The following DCC variants were observed in gnomAD, a reference collection of about 807,000 sequenced individuals.
DCC encodes DCC netrin 1 receptor.
A neutral mutation model predicts 172.5 loss-of-function variants in DCC; 58 were observed. The observed-to-expected ratio is 0.34, with a 90% CI of 0.27 to 0.42. The LOEUF (loss-of-function observed/expected upper bound fraction) is 0.42. DCC is among the 10% of genes least tolerant of loss of function. The pLI is 1.00. For missense variants in DCC, 1,740 were observed against 1,791.0 expected (o/e 0.97, Z 0.51); for synonymous variants, 709 against 644.5 (o/e 1.10, Z -1.52).
At chr18:53,137,170 T>C (rs1334434622) in intron 7 of DCC, among the ~76,000 whole-genome samples, 2 of 152,228 alleles carry the variant, frequency 1.3e-5, no homozygotes, top group Non-Finnish European at 2.9e-5. Flanking sequence ...TATTTCAAAA[T>C]TTCCATGTGT....
chr18:53,477,840 G>A (rs1404962740), intron 25 of DCC, among the ~76,000 whole-genome samples: 1 of 152,134 alleles, frequency 6.6e-6, no homozygotes, highest in African/African-American at 2.4e-5. Flanking sequence ...TGAAAAACAT[G>A]CCAGCTGACA....
At chr18:52,906,432 T>C in intron 3 of DCC, 104 bp downstream of exon 3, 1 of 1,186,750 alleles carries the variant, frequency 8.4e-7, no homozygotes. Context: ...AAGTTCTGTA[T>C]TGTTCATTGC....
chr18:53,530,713 C>A lies in DCC; in HGVS notation c.*60C>A. 3 of 880,034 alleles carry A rather than the reference C, an allele frequency of 3.4e-6. No individual in the cohort carries two copies. Among genetic ancestry groups the A allele is most frequent in the Non-Finnish European group, 5.9e-6 (3 of 509,550 alleles). 54.5% of individuals were successfully genotyped at this position (880,034 alleles called of 1,614,324 possible). On this transcript the variant is annotated 3_prime_UTR_variant, in exon 29 of 29. Coordinates refer to ENST00000442544, the MANE Select transcript of DCC (RefSeq NM_005215.4). ...GGAACTTTGCAGCATACCAATTACC[C>A]ATAAACAGCACACCTGTGTCCAAGA... is the stretch of plus-strand genomic sequence containing the variant.
chr18:53,354,133 G>T (rs925168736), intron 15 of DCC, among the ~76,000 whole-genome samples: 1 of 152,160 alleles, frequency 6.6e-6, no homozygotes, highest in Non-Finnish European at 1.5e-5. Context: ...TGGTGTATAT[G>T]TGCCACATTT....
chr18:52,492,929 A>T (rs2030578287), intron 1 of DCC, among the ~76,000 whole-genome samples: 1 of 152,136 alleles, frequency 6.6e-6, no homozygotes, highest in Non-Finnish European at 1.5e-5. Flanking sequence ...GGTTCACTTA[A>T]GACCATAATG....
In DCC at chr18:53,446,124, A is replaced by AAAAC. The variant is rs369426007; in HGVS notation, c.3230-4376_3230-4375insAAAC. ...AAAAAAAAAAAAAAAACAAAAAAAA[A>AAAAC]CACTTAAAAATTTTCCAGGGATGGT... On this transcript the variant is annotated intron_variant, in intron 22 of 28. Transcript: ENST00000442544. Among the ~76,000 whole-genome samples the AAAAC allele has an allele frequency of 5.4e-4, 63 of 117,220 alleles. 2 individuals are homozygous for AAAAC. Among genetic ancestry groups the AAAAC allele is most frequent in the Admixed American group, 7.4e-4 (8 of 10,754 alleles). 76.9% of individuals were successfully genotyped at this position (117,220 alleles called of 152,430 possible). A position where few individuals can be genotyped will look rare whatever the true frequency, so the allele number is the denominator to read the frequency against.
intron 1 of DCC, among the ~76,000 whole-genome samples, chr18:52,664,290 A>T (rs1459657704): frequency 6.6e-6 from 1 of 152,118 alleles, no homozygotes; most frequent in African/African-American, 2.4e-5. Context: ...GCCTGAGAAG[A>T]TTAAGTTTAG....
At chr18:53,229,294 G>A (rs892521168) in intron 12 of DCC, among the ~76,000 whole-genome samples, 20 of 152,132 alleles carry the variant, frequency 1.3e-4, no homozygotes, top group African/African-American at 4.8e-4. Context: ...ATGGGGTACT[G>A]GAGCCAGGTT....
rs889153375 is a variant in DCC at position 53,253,507 on chromosome 18, T to C, written c.1911+37910T>C. 4.6e-5 allele frequency among the ~76,000 whole-genome samples: 7 copies of C among 152,168 alleles called. No individual in the cohort carries two copies. The South Asian group carries it at 1.5e-3, about 32-fold the overall frequency. On this transcript the variant is annotated intron_variant, in intron 12 of 28. Transcript: ENST00000442544. ...TCCTCTTAGGTTGAAAATGTCTAACTCTAAAACAAGTGGCGTACCGCCTCA... is the reference window on the plus strand; with the variant it reads ...TCCTCTTAGGTTGAAAATGTCTAACCCTAAAACAAGTGGCGTACCGCCTCA...
At chr18:52,892,634 T>C (rs764470182) in intron 2 of DCC, 2 of 152,170 alleles carry the variant, frequency 1.3e-5, no homozygotes, top group African/African-American at 4.8e-5. Flanking sequence ...CTATAAACTT[T>C]AGCGTCAAAC....
At chr18:52,940,171 A>C (rs1221968045) in intron 5 of DCC, among the ~76,000 whole-genome samples, 1 of 152,200 alleles carries the variant, frequency 6.6e-6, no homozygotes, top group East Asian at 1.9e-4. Flanking sequence ...TGTTAACAAG[A>C]GTAAGGCAAG....
chr18:53,131,109 T>C (rs2043644754), intron 7 of DCC, among the ~76,000 whole-genome samples: 1 of 152,108 alleles, frequency 6.6e-6, no homozygotes, highest in Non-Finnish European at 1.5e-5. Flanking sequence ...AGAATAGGGA[T>C]GGCACCCAGA....
intron 25 of DCC, among the ~76,000 whole-genome samples, chr18:53,475,036 C>CT (rs34811416): frequency 0.078 from 11,822 of 152,266 alleles, 734 homozygotes; most frequent in Admixed American, 0.18. Context: ...AGCAAAGAGA[C>CT]TGGGGGCATT....
intron 2 of DCC, among the ~76,000 whole-genome samples, chr18:52,786,835 T>A (rs557800779): frequency 1.3e-5 from 2 of 152,230 alleles, no homozygotes; most frequent in East Asian, 3.9e-4. Context: ...TTATCAGCTC[T>A]GCAAGTCGAG....
At chr18:52,450,430 C>T (rs1035672158) in intron 1 of DCC, among the ~76,000 whole-genome samples, 1 of 152,152 alleles carries the variant, frequency 6.6e-6, no homozygotes, top group Non-Finnish European at 1.5e-5. Context: ...GTAGTTTGTT[C>T]TGGGAAGGTC....
chr18:52,436,605 C>T (rs1987802738), intron 1 of DCC, among the ~76,000 whole-genome samples: 1 of 152,176 alleles, frequency 6.6e-6, no homozygotes, highest in South Asian at 2.1e-4. Context: ...CTTTCTTTTA[C>T]TGTATTAAAT....
chr18:52,821,245 G>A (rs1299382379), intron 2 of DCC, among the ~76,000 whole-genome samples: 1 of 152,062 alleles, frequency 6.6e-6, no homozygotes, highest in Non-Finnish European at 1.5e-5. Flanking sequence ...TACCTGAGTG[G>A]CACCACGTTA....
At chr18:52,773,480 A>C (rs1470206428) in intron 2 of DCC, among the ~76,000 whole-genome samples, 1 of 150,838 alleles carries the variant, frequency 6.6e-6, no homozygotes, top group Non-Finnish European at 1.5e-5. Context: ...TGAAAAATTA[A>C]CCCCCCCAAA....
At chr18:52,945,664 A>C (rs1568203510) in intron 5 of DCC, among the ~76,000 whole-genome samples, 1 of 152,152 alleles carries the variant, frequency 6.6e-6, no homozygotes. Flanking sequence ...TGGCTTAGAG[A>C]GCTGAGCTGA....
Sources: gnomAD v4.1 joint callset for allele counts (sites outside exome capture counted in the v4.1 genomes callset) on GRCh38, gnomAD v4.1.1 for gene constraint, MANE v1.5 for transcripts, NCBI Gene and HGNC (gene_info 2026-07-23, HGNC 2026-07-21) for gene names.